SH3D19: variants seen among roughly 807,000 people sequenced by gnomAD.
SH3D19 encodes SH3 domain containing 19.
SH3D19 carries 58 observed loss-of-function variants against 112.1 expected under a neutral mutation model. The observed-to-expected ratio is 0.52, with a 90% CI of 0.42 to 0.64. The LOEUF is 0.64. SH3D19 is among the 30% of genes least tolerant of loss of function. The pLI is 0.00. For synonymous variants in SH3D19, 391 were observed against 448.5 expected (o/e 0.87, Z 1.62); for missense variants, 1,090 against 1,263.4 (o/e 0.86, Z 2.08).
At chr4:151,240,645 A>G (rs975449848) in intron 1 of SH3D19, among the ~76,000 whole-genome samples, 1 of 151,946 alleles carries the variant, frequency 6.6e-6, no homozygotes. Flanking sequence ...TTAATAACAA[A>G]TGTTGGCAAA....
intron 2 of SH3D19, 65 bp downstream of exon 2, chr4:151,225,982 C>T (rs752494255): frequency 8.1e-6 from 9 of 1,113,420 alleles, no homozygotes; most frequent in Non-Finnish European, 1.0e-5. Flanking sequence ...ACTTACATTG[C>T]TTCCAAACAA....
chr4:151,144,292 A>T lies in SH3D19; in HGVS notation c.2083-242T>A, dbSNP rs1753541106. On this transcript the variant is annotated intron_variant, in intron 11 of 19. Coordinates refer to ENST00000604030, the MANE Select transcript of SH3D19 (RefSeq NM_001378122.1). The stretch of plus-strand genomic sequence containing the variant: ...CAATTCCATGAGGCACAGACAGCTT[A>T]AACGTAAACCAATAAAAGGCTTATT... 3.7e-6 allele frequency: 6 copies of T among 1,613,620 alleles called. No homozygotes were observed. The East Asian group carries it at 1.3e-4, about 36-fold the overall frequency.
intron 1 of SH3D19, among the ~76,000 whole-genome samples, chr4:151,318,158 G>A (rs562797144): frequency 5.3e-5 from 8 of 150,726 alleles, no homozygotes; most frequent in East Asian, 2.0e-4. Context: ...AAAATTAGCC[G>A]GGCATGGTGG....
At chr4:151,194,968 G>A (rs886608733) in intron 2 of SH3D19, among the ~76,000 whole-genome samples, 6 of 151,510 alleles carry the variant, frequency 4.0e-5, no homozygotes, top group Admixed American at 2.0e-4. Context: ...CCAGCTACCC[G>A]GTAGGCTGAG....
At chr4:151,235,075 G>T (rs909281039) in intron 1 of SH3D19, among the ~76,000 whole-genome samples, 1 of 152,050 alleles carries the variant, frequency 6.6e-6, no homozygotes, top group East Asian at 1.9e-4. Flanking sequence ...AGGTTCAGGG[G>T]TGCATGCGCA....
intron 2 of SH3D19, among the ~76,000 whole-genome samples, chr4:151,187,692 A>T (rs578065176): frequency 6.6e-6 from 1 of 152,322 alleles, no homozygotes; most frequent in Admixed American, 6.5e-5. Flanking sequence ...TTTGCCTTAA[A>T]ATTGCTTTCA....
intron 17 of SH3D19, among the ~76,000 whole-genome samples, chr4:151,129,317 T>C (rs1253687230): frequency 2.0e-5 from 3 of 152,192 alleles, no homozygotes; most frequent in East Asian, 1.9e-4. Flanking sequence ...CTCTGCCAAT[T>C]TGGGATGGGA....
chr4:151,237,517 A>G (rs914207228), intron 1 of SH3D19, among the ~76,000 whole-genome samples: 1 of 120,462 alleles, frequency 8.3e-6, no homozygotes, highest in African/African-American at 2.8e-5. Context: ...CAGGAACTCT[A>G]GGTCAGACAG....
chr4:151,174,786 G>C lies in SH3D19; in HGVS notation c.1418C>G (p.Pro473Arg). The C allele has an allele frequency of 6.4e-7, 1 of 1,551,768 alleles. No homozygotes were observed. The highest frequency in any genetic ancestry group is 8.7e-7 in the Non-Finnish European group (1 of 1,152,490). Residue 473 changes from proline to arginine, a missense_variant, in exon 7 of 20, where the codon CCA becomes CGA. By Grantham distance (103) the Pro-to-Arg change is moderately radical. Transcript: ENST00000604030. ...CACCAAGGGCTTGCTCTGCAGAACT[G>C]GAACTGGGGGGTTGGCTGGGGGCCC... ...GEGPPANPPV[P>R]VLQSKPLVDI... is the part of the protein sequence containing the mutation.
rs538552420 is a variant in SH3D19, at chr4:151,127,495, G to A, written c.3027+123C>T. The A allele has an allele frequency of 2.9e-5, 16 of 555,834 alleles. No homozygotes were observed. The African/African-American group carries it at 3.0e-4, about 10-fold the overall frequency. 34.4% of individuals were successfully genotyped at this position (555,834 alleles called of 1,614,324 possible). On this transcript the variant is annotated intron_variant, in intron 19 of 19. Transcript: ENST00000604030. Reference sequence around the variant, plus strand: ...CTCTAATGTCTTCCCCTAGAATCAGGGCCTGAGATCTCTTCATTCTTGAGT... The same window carrying A: ...CTCTAATGTCTTCCCCTAGAATCAGAGCCTGAGATCTCTTCATTCTTGAGT...
At chr4:151,325,197 G>T in intron 1 of SH3D19, 44 bp downstream of exon 1, 1 of 1,095,114 alleles carries the variant, frequency 9.1e-7, no homozygotes, top group Non-Finnish European at 1.2e-6. Context: ...GCCCCAGAGC[G>T]CGCAGCTCTG....
intron 2 of SH3D19, among the ~76,000 whole-genome samples, chr4:151,206,172 AT>A (rs993176098): frequency 7.9e-5 from 12 of 152,242 alleles, no homozygotes; most frequent in Admixed American, 3.9e-4. Flanking sequence ...TCAGAAAATG[AT>A]TTAAGACTTT....
intron 1 of SH3D19, among the ~76,000 whole-genome samples, chr4:151,230,781 A>G (rs1189878735): frequency 3.9e-5 from 6 of 151,976 alleles, no homozygotes; most frequent in African/African-American, 1.5e-4. Flanking sequence ...GGGTTTCACC[A>G]TATTGGCCAG....
intron 1 of SH3D19, among the ~76,000 whole-genome samples, chr4:151,317,942 G>T (rs2126397753): frequency 6.6e-6 from 1 of 151,972 alleles, no homozygotes; most frequent in South Asian, 2.1e-4. Flanking sequence ...AGTGAGCTGA[G>T]ATTGTGCCAC....
intron 1 of SH3D19, among the ~76,000 whole-genome samples, chr4:151,273,687 G>A (rs1312987291): frequency 6.6e-6 from 1 of 150,416 alleles, no homozygotes; most frequent in Non-Finnish European, 1.5e-5. Context: ...TTTTGCTCCT[G>A]TGGTAAGTCA....
Position 151,223,665 on chromosome 4 carries a change from C to T in SH3D19, c.152+2382G>A, listed in dbSNP as rs191128145. Among the ~76,000 whole-genome samples, 15 of 152,290 alleles carry T rather than the reference C, an allele frequency of 9.8e-5. No individual in the cohort carries two copies. In the East Asian group the frequency reaches 2.7e-3, roughly 27 times the overall value. On this transcript the variant is annotated intron_variant, in intron 2 of 19. Coordinates refer to ENST00000604030, the MANE Select transcript of SH3D19 (RefSeq NM_001378122.1). ...ATCGTTTCCATCCCATGCACTTCCC[C>T]AAACTTTCACATCTGGGCTAAGTTC...
intron 1 of SH3D19, among the ~76,000 whole-genome samples, chr4:151,234,872 T>C (rs1276217802): frequency 6.6e-6 from 1 of 150,504 alleles, no homozygotes; most frequent in Non-Finnish European, 1.5e-5. Flanking sequence ...GCCTCCCCAG[T>C]AGCTGGGACT....
In SH3D19 at chr4:151,143,909, C is replaced by G. The variant is rs370173835; in HGVS notation, c.2223+1G>C. The G allele has an allele frequency of 6.2e-7, 1 of 1,611,704 alleles. No homozygotes were observed. Among genetic ancestry groups the G allele is most frequent in the South Asian group, 1.1e-5 (1 of 90,472 alleles). ...GGGCTGTAACAATATTAATTCCTTA[C>G]GTTTGGTCTGCTTCTAAGATGTTCA... On this transcript the variant is annotated splice_donor_variant, in intron 12 of 19. Transcript: ENST00000604030. LOFTEE classifies it high-confidence loss of function.
chr4:151,240,709 C>T (rs1339125208), intron 1 of SH3D19, among the ~76,000 whole-genome samples: 1 of 151,912 alleles, frequency 6.6e-6, no homozygotes, highest in Non-Finnish European at 1.5e-5. Context: ...TAAAATGGTA[C>T]AGTTGCTTTG....
Sources: allele counts gnomAD v4.1 joint callset (sites outside exome capture counted in the v4.1 genomes callset), GRCh38; gene constraint gnomAD v4.1.1; transcripts MANE v1.5; gene names NCBI Gene and HGNC (gene_info 2026-07-23, HGNC 2026-07-21).